Variants in DENND4A observed in about 807,000 individuals in gnomAD.
The protein encoded by DENND4A is DENN domain containing 4A.
DENND4A carries 70 observed loss-of-function variants against 199.3 expected under a neutral mutation model. That is an observed-to-expected ratio of 0.35 (90% CI 0.29 to 0.43). The LOEUF (loss-of-function observed/expected upper bound fraction) is 0.43. DENND4A is among the 20% of genes least tolerant of loss of function. The pLI is 1.00. For missense variants in DENND4A, 1,723 were observed against 2,255.8 expected (o/e 0.76, Z 4.78); for synonymous variants, 686 against 766.9 (o/e 0.89, Z 1.74).
chr15:65,779,306 AT>A (rs2077372314), intron 1 of DENND4A, among the ~76,000 whole-genome samples: 1 of 151,730 alleles, frequency 6.6e-6, no homozygotes, highest in Non-Finnish European at 1.5e-5. Context: ...AAATAGAAAA[AT>A]TAGCCAGGCA....
chr15:65,725,227 CATATT>C (rs1398296264), intron 11 of DENND4A, among the ~76,000 whole-genome samples: 1 of 152,110 alleles, frequency 6.6e-6, no homozygotes, highest in Admixed American at 6.5e-5. Context: ...ATGACATACA[CATATT>C]ATATAGTTAC....
intron 1 of DENND4A, chr15:65,771,210 C>A: frequency 6.2e-7 from 1 of 1,608,352 alleles, no homozygotes; most frequent in East Asian, 2.2e-5. Context: ...CGCTCTAATT[C>A]TTTACAGTTG....
At chr15:65,665,766 C>T (rs2076015391) in intron 29 of DENND4A, among the ~76,000 whole-genome samples, 1 of 152,066 alleles carries the variant, frequency 6.6e-6, no homozygotes, top group African/African-American at 2.4e-5. Flanking sequence ...TCCAGGAGTC[C>T]CATCCTATAT....
At chr15:65,791,191 T>G (rs999116229) in intron 1 of DENND4A, among the ~76,000 whole-genome samples, 6 of 152,200 alleles carry the variant, frequency 3.9e-5, no homozygotes, top group Non-Finnish European at 7.3e-5. Context: ...TGTCCTGCTG[T>G]TGCAAACAAG....
At chr15:65,743,541 TTTAGG>T (rs1419203869) in intron 4 of DENND4A, among the ~76,000 whole-genome samples, 1 of 152,178 alleles carries the variant, frequency 6.6e-6, no homozygotes, top group Non-Finnish European at 1.5e-5. Context: ...TTATGATACT[TTTAGG>T]TTTTCTTTTT....
At chr15:65,780,412 T>A (rs2077407592) in intron 1 of DENND4A, among the ~76,000 whole-genome samples, 1 of 152,220 alleles carries the variant, frequency 6.6e-6, no homozygotes, top group Admixed American at 6.5e-5. Flanking sequence ...AAAAGTATGC[T>A]GAATTTTAAA....
rs959678911 is a variant in DENND4A at position 65,660,721 on chromosome 15, G to A, written c.*1130C>T. 1 of 155,282 alleles carries A rather than the reference G, an allele frequency of 6.4e-6. No homozygotes were observed. Among genetic ancestry groups the A allele is most frequent in the African/African-American group, 2.4e-5 (1 of 41,516 alleles). 9.6% of individuals were successfully genotyped at this position (155,282 alleles called of 1,614,324 possible). On this transcript the variant is annotated 3_prime_UTR_variant, in exon 33 of 33. Transcript: ENST00000443035. ...CTACAGACTTCAGATTCTGAAGCTT[G>A]TTGAAAAAGCTAAGTTCCTCAATAT...
chr15:65,758,080 GC>G (rs1339915772), intron 2 of DENND4A, among the ~76,000 whole-genome samples: 2 of 152,028 alleles, frequency 1.3e-5, no homozygotes, highest in Non-Finnish European at 2.9e-5. Context: ...CACAGACAAA[GC>G]CCAGTGGAAG....
In DENND4A at chr15:65,729,431, T is replaced by C. The variant is rs1290764073; in HGVS notation, c.1311+103A>G. 9.6e-6 allele frequency: 14 copies of C among 1,458,508 alleles called. No homozygotes were observed. In the African/African-American group the frequency reaches 1.9e-4, roughly 19 times the overall value. 90.3% of individuals were successfully genotyped at this position (1,458,508 alleles called of 1,614,324 possible). A position where few individuals can be genotyped will look rare whatever the true frequency, so the allele number is the denominator to read the frequency against. On this transcript the variant is annotated intron_variant, in intron 10 of 32. Transcript: ENST00000443035. ...CTGCTTTCAAAAAACACAAATTCAT[T>C]ACTCTCTGAATTTTAGTTAAGTTAT...
intron 23 of DENND4A, among the ~76,000 whole-genome samples, chr15:65,678,188 G>A (rs572482580): frequency 3.9e-5 from 6 of 152,166 alleles, no homozygotes; most frequent in South Asian, 2.1e-4. Context: ...TCGGCCTCCC[G>A]AAGTGTTGGG....
chr15:65,719,920 G>A (rs1470065969), intron 12 of DENND4A, among the ~76,000 whole-genome samples: 1 of 152,000 alleles, frequency 6.6e-6, no homozygotes, highest in African/African-American at 2.4e-5. Context: ...TAGATGGGTG[G>A]CCTGTATTTA....
At chr15:65,757,441 A>G (rs931706245) in intron 2 of DENND4A, among the ~76,000 whole-genome samples, 2 of 152,110 alleles carry the variant, frequency 1.3e-5, no homozygotes, top group Non-Finnish European at 2.9e-5. Context: ...GACCACATAG[A>G]TAGAGAATTG....
At chr15:65,743,799 T>A (rs1196451572) in intron 4 of DENND4A, among the ~76,000 whole-genome samples, 1 of 152,108 alleles carries the variant, frequency 6.6e-6, no homozygotes, top group African/African-American at 2.4e-5. Context: ...AGTATGCCCG[T>A]CATGACCTAA....
chr15:65,749,903 T>TA (rs1459130629), intron 4 of DENND4A, among the ~76,000 whole-genome samples: 1 of 152,164 alleles, frequency 6.6e-6, no homozygotes, highest in Non-Finnish European at 1.5e-5. Flanking sequence ...CAGTTCCACT[T>TA]ACAATTACTT....
Position 65,701,778 on chromosome 15 carries a change from T to G in DENND4A, c.2543A>C (p.Tyr848Ser). 2 of 1,613,602 alleles carry G rather than the reference T, an allele frequency of 1.2e-6. No homozygotes were observed. The highest frequency in any genetic ancestry group is 1.7e-6 in the Non-Finnish European group (2 of 1,179,592). ...KAGIDPNAIT[Y>S]GYYNKAVLES... ...GGTATTTACCTTATTATAATAACCATAAGTAATGGCATTGGGGTCAATACC... is the reference window on the plus strand; with the variant it reads ...GGTATTTACCTTATTATAATAACCAGAAGTAATGGCATTGGGGTCAATACC... The change falls in exon 18 of 33, where the codon TAT becomes TCT. Residue 848 changes from tyrosine (Y) to serine (S), a missense_variant. Tyr to Ser is a moderately radical substitution (Grantham distance 144). Around this residue, in one of 6 missense-constraint regions of DENND4A, gnomAD observed 36 missense variants for 85.7 expected, o/e 0.42. Coordinates refer to ENST00000443035, the MANE Select transcript of DENND4A (RefSeq NM_001320835.1).
rs755586850 is a variant in DENND4A at position 65,659,772 on chromosome 15, C to A, written c.*2079G>T. 2 of 153,986 alleles carry A rather than the reference C, an allele frequency of 1.3e-5. No homozygotes were observed. Among genetic ancestry groups the A allele is most frequent in the African/African-American group, 4.8e-5 (2 of 41,392 alleles). The allele number at this position is 153,986 out of a possible 1,614,324, so 9.5% of individuals were successfully genotyped here. ...AAAAGTAGGGGAAATACAACCCTCT[C>A]CAAAAGCAGAAACAAAACTTGGGGT... On this transcript the variant is annotated 3_prime_UTR_variant, in exon 33 of 33. Transcript: ENST00000443035.
intron 1 of DENND4A, among the ~76,000 whole-genome samples, chr15:65,761,877 A>C (rs2076858386): frequency 2.0e-5 from 3 of 152,190 alleles, no homozygotes; most frequent in African/African-American, 7.2e-5. Context: ...ATATAAAAAA[A>C]AGTTTCAAAG....
intron 1 of DENND4A, among the ~76,000 whole-genome samples, chr15:65,789,993 A>C (rs1220369116): frequency 6.6e-6 from 1 of 152,194 alleles, no homozygotes; most frequent in Non-Finnish European, 1.5e-5. Flanking sequence ...CCGTCTCAAA[A>C]AATACAAAAA....
At chr15:65,707,699 T>C (rs534413201) in intron 14 of DENND4A, among the ~76,000 whole-genome samples, 2 of 152,066 alleles carry the variant, frequency 1.3e-5, no homozygotes, top group East Asian at 1.9e-4. Flanking sequence ...ATTTTTTTTT[T>C]TTTTTGAGAC....
Sources: allele counts gnomAD v4.1 joint callset (sites outside exome capture counted in the v4.1 genomes callset), GRCh38; gene constraint gnomAD v4.1.1; regional missense constraint gnomAD v4.1.1; transcripts MANE v1.5; gene names NCBI Gene and HGNC (gene_info 2026-07-23, HGNC 2026-07-21).